The following TPRG1 variants were observed in gnomAD, a reference collection of about 807,000 sequenced individuals.
The protein encoded by TPRG1 is tumor protein p63 regulated 1, also known as tumor protein p63-regulated gene 1 protein.
In TPRG1, 29 loss-of-function variants were observed where a neutral mutation model predicts 29.3. That is an observed-to-expected ratio of 0.99 (90% CI 0.74 to 1.35). TPRG1 has a LOEUF of 1.35. TPRG1 is among the 40% of genes most tolerant of loss of function. The probability of loss-of-function intolerance (pLI) is 0.00; values close to 1 mark genes in which losing one functional copy is unlikely to be tolerated. For synonymous variants in TPRG1, 130 were observed against 116.8 expected (o/e 1.11, Z -0.73); for missense variants, 327 against 335.0 (o/e 0.98, Z 0.19).
At chr3:189,006,509 T>A (rs1463569430) in intron 3 of TPRG1, among the ~76,000 whole-genome samples, 5 of 152,202 alleles carry the variant, frequency 3.3e-5, no homozygotes, top group African/African-American at 1.2e-4. Context: ...TGGCTTCTGC[T>A]CTGAAAGAGT....
chr3:189,180,928 A>G (rs1329539126), intron 1 of TPRG1, among the ~76,000 whole-genome samples: 2 of 152,100 alleles, frequency 1.3e-5, no homozygotes, highest in African/African-American at 4.8e-5. Flanking sequence ...GCATTTCCAT[A>G]CATCTTCTAA....
chr3:189,271,755 T>A (rs1715167912), intron 4 of TPRG1, among the ~76,000 whole-genome samples: 1 of 152,248 alleles, frequency 6.6e-6, no homozygotes, highest in East Asian at 1.9e-4. Flanking sequence ...CATGGACGAC[T>A]GAGGTATCCT....
intron 3 of TPRG1, among the ~76,000 whole-genome samples, chr3:189,220,619 G>A (rs894132899): frequency 1.3e-5 from 2 of 152,026 alleles, no homozygotes; most frequent in Non-Finnish European, 2.9e-5. Flanking sequence ...CCCAGTGTGT[G>A]TTGTTCCCCT....
At chr3:189,124,567 T>TACAC (rs533158661) in intron 1 of TPRG1, among the ~76,000 whole-genome samples, 1 of 151,094 alleles carries the variant, frequency 6.6e-6, no homozygotes, top group Non-Finnish European at 1.5e-5. Flanking sequence ...TATATATATA[T>TACAC]ACACACACAC....
At chr3:189,007,974 C>A (rs1028424390) in intron 3 of TPRG1, among the ~76,000 whole-genome samples, 2 of 148,646 alleles carry the variant, frequency 1.3e-5, no homozygotes, top group Non-Finnish European at 1.5e-5. Flanking sequence ...GTGCAGCGCA[C>A]CAGCATGGCA....
intron 2 of TPRG1, among the ~76,000 whole-genome samples, chr3:189,131,469 A>G (rs1302214609): frequency 6.6e-6 from 1 of 152,244 alleles, no homozygotes; most frequent in Non-Finnish European, 1.5e-5. Context: ...TCTTGAAGGA[A>G]ACAAGACCAT....
chr3:189,070,413 C>A (rs1716739495), intron 4 of TPRG1, among the ~76,000 whole-genome samples: 1 of 148,986 alleles, frequency 6.7e-6, no homozygotes, highest in Admixed American at 6.6e-5. Context: ...CACACACACT[C>A]ATGAATGTGC....
chr3:189,263,450 G>A (rs1713498441), intron 4 of TPRG1, among the ~76,000 whole-genome samples: 1 of 152,208 alleles, frequency 6.6e-6, no homozygotes, highest in African/African-American at 2.4e-5. Context: ...GTGGAGATTA[G>A]TTTTGTATTT....
chr3:189,035,524 C>A (rs1470347866), intron 4 of TPRG1, among the ~76,000 whole-genome samples: 1 of 152,056 alleles, frequency 6.6e-6, no homozygotes, highest in African/African-American at 2.4e-5. Context: ...AAAATATTGG[C>A]AAACTATGCA....
chr3:189,076,256 G>A (rs979771438), intron 4 of TPRG1, among the ~76,000 whole-genome samples: 7 of 152,106 alleles, frequency 4.6e-5, no homozygotes, highest in South Asian at 4.1e-4. Context: ...AAAAAAGAGC[G>A]CTTTTCCTCA....
intron 4 of TPRG1, among the ~76,000 whole-genome samples, chr3:189,024,820 G>T: frequency 6.6e-6 from 1 of 152,228 alleles, no homozygotes; most frequent in East Asian, 1.9e-4. Flanking sequence ...TTTTGATAAA[G>T]CATCTGTGCT....
upstream of TPRG1, among the ~76,000 whole-genome samples, chr3:189,095,529 G>A (rs887152170): frequency 3.9e-5 from 6 of 152,130 alleles, no homozygotes; most frequent in Non-Finnish European, 5.9e-5. Flanking sequence ...ATCAGTCTCC[G>A]TTCTTTAAAA....
intron 4 of TPRG1, among the ~76,000 whole-genome samples, chr3:189,051,218 A>G (rs1428966869): frequency 6.6e-6 from 1 of 152,200 alleles, no homozygotes; most frequent in African/African-American, 2.4e-5. Context: ...CCCAGAACTG[A>G]TAAAATAATT....
chr3:189,123,921 C>T (rs373374210), intron 1 of TPRG1, among the ~76,000 whole-genome samples: 23 of 152,170 alleles, frequency 1.5e-4, no homozygotes, highest in African/African-American at 3.6e-4. Context: ...GTGGCAGGCC[C>T]ATCAAGGCTG....
chr3:189,104,299 G>T (rs533430025), intron 1 of TPRG1, among the ~76,000 whole-genome samples: 1 of 152,182 alleles, frequency 6.6e-6, no homozygotes, highest in East Asian at 1.9e-4. Flanking sequence ...ACTAACCACA[G>T]TGCTTGACAG....
chr3:189,290,461 A>G (rs1005592638), intron 4 of TPRG1, among the ~76,000 whole-genome samples: 2 of 152,258 alleles, frequency 1.3e-5, no homozygotes, highest in African/African-American at 4.8e-5. Context: ...TGACTTGATG[A>G]TATCTTTCGT....
chr3:189,320,389 A>T lies in TPRG1; in HGVS notation c.634-237A>T, dbSNP rs897671425. On this transcript the variant is annotated intron_variant, in intron 5 of 5. Coordinates refer to ENST00000345063, the MANE Select transcript of TPRG1 (RefSeq NM_198485.4). ...AAACAAACTGAAAAAATTACATATT[A>T]TTTCTGACATTAAGAAGCAAAATTG... 2.6e-5 allele frequency among the ~76,000 whole-genome samples: 4 copies of T among 152,220 alleles called. No homozygotes were observed. The Middle Eastern group carries it at 0.01, about 388-fold the overall frequency.
chr3:189,231,485 A>C (rs1263619982), intron 3 of TPRG1, among the ~76,000 whole-genome samples: 1 of 152,176 alleles, frequency 6.6e-6, no homozygotes, highest in Non-Finnish European at 1.5e-5. Flanking sequence ...AAGAATCTTC[A>C]TCATCGTCAC....
intron 5 of TPRG1, among the ~76,000 whole-genome samples, chr3:189,157,185 C>T (rs903432289): frequency 1.3e-5 from 2 of 152,304 alleles, no homozygotes; most frequent in Non-Finnish European, 2.9e-5. Flanking sequence ...ATTTGTTATG[C>T]ATCTTAGAGA....
Sources: allele counts gnomAD v4.1 joint callset (sites outside exome capture counted in the v4.1 genomes callset), GRCh38; gene constraint gnomAD v4.1.1; transcripts MANE v1.5; gene names NCBI Gene and HGNC (gene_info 2026-07-23, HGNC 2026-07-21).